Variants in WBP1L observed in about 807,000 individuals in gnomAD.
WBP1L encodes WW domain binding protein 1 like.
Under a neutral mutation model 33.7 loss-of-function variants are expected in WBP1L, and 17 were observed. That is an observed-to-expected ratio of 0.50 (90% CI 0.34 to 0.76). The LOEUF is 0.76. WBP1L is among the 30% of genes least tolerant of loss of function. The pLI is 0.01. For missense variants in WBP1L, 389 were observed against 469.4 expected, an observed-to-expected ratio of 0.83 and a Z score of 1.58; for synonymous variants, 173 against 190.8, an observed-to-expected ratio of 0.91 and a Z score of 0.77.
chr10:102,749,933 T>C (rs1394765160), intron 1 of WBP1L, among the ~76,000 whole-genome samples: 1 of 151,712 alleles, frequency 6.6e-6, no homozygotes, highest in Non-Finnish European at 1.5e-5. Context: ...ACTGCCACCA[T>C]GCCTGGGTAA....
chr10:102,770,276 A>T (rs773225008), intron 1 of WBP1L, among the ~76,000 whole-genome samples: 2 of 152,166 alleles, frequency 1.3e-5, no homozygotes, highest in Admixed American at 1.3e-4. Context: ...ACTCTGAGGC[A>T]TTTAAATGGG....
At chr10:102,802,142 T>C (rs1336059190) in intron 2 of WBP1L, among the ~76,000 whole-genome samples, 4 of 128,636 alleles carry the variant, frequency 3.1e-5, no homozygotes, top group Admixed American at 8.2e-5. Context: ...CTTCCTTCCT[T>C]CCTCTTTTTG....
Position 102,815,303 on chromosome 10 carries a change from C to A in WBP1L, c.*1972C>A, listed in dbSNP as rs752847900. 38 of 152,782 alleles carry A rather than the reference C, an allele frequency of 2.5e-4. No individual in the cohort carries two copies. Among genetic ancestry groups the A allele is most frequent in the Middle Eastern group, 3.4e-3 (1 of 294 alleles). The allele number at this position is 152,782 out of a possible 1,614,324, so 9.5% of individuals were successfully genotyped here. Reference sequence around the variant, plus strand: ...TGCGATTTGCACATTGCTCCGTGGACACTCGGAGGCCTGCGTTCTGTTCCC... The same window carrying A: ...TGCGATTTGCACATTGCTCCGTGGAAACTCGGAGGCCTGCGTTCTGTTCCC... On this transcript the variant is annotated 3_prime_UTR_variant, in exon 4 of 4. Coordinates refer to ENST00000448841, the MANE Select transcript of WBP1L (RefSeq NM_001083913.2).
chr10:102,757,518 C>T (rs964869946), intron 1 of WBP1L, among the ~76,000 whole-genome samples: 2 of 150,906 alleles, frequency 1.3e-5, no homozygotes, highest in African/African-American at 4.9e-5. Context: ...AACTTCTGTC[C>T]CCAACCTCCA....
intron 1 of WBP1L, among the ~76,000 whole-genome samples, chr10:102,753,657 C>T (rs1168144043): frequency 6.6e-6 from 1 of 152,176 alleles, no homozygotes; most frequent in East Asian, 1.9e-4. Context: ...TGTGGGAAAT[C>T]AGAGGAGTTG....
chr10:102,750,100 A>G (rs1590164344), intron 1 of WBP1L, among the ~76,000 whole-genome samples: 1 of 151,546 alleles, frequency 6.6e-6, no homozygotes, highest in South Asian at 2.1e-4. Flanking sequence ...TTAATTTTTT[A>G]TATCAACTTT....
intron 1 of WBP1L, among the ~76,000 whole-genome samples, chr10:102,789,260 G>A (rs1843462346): frequency 6.6e-6 from 1 of 152,210 alleles, no homozygotes; most frequent in Non-Finnish European, 1.5e-5. Context: ...ACTGCACCCA[G>A]CCTGGAGATT....
chr10:102,797,877 C>A, intron 1 of WBP1L, 116 bp from the exon 2 acceptor site: 1 of 945,416 alleles, frequency 1.1e-6, no homozygotes, highest in Non-Finnish European at 1.6e-6. Context: ...ATGGAATAAA[C>A]ATTGATACAA....
intron 1 of WBP1L, chr10:102,776,229 T>C (rs896374454): frequency 1.3e-6 from 2 of 1,531,342 alleles, no homozygotes; most frequent in African/African-American, 2.7e-5. Flanking sequence ...ACAGTGTGCC[T>C]GCTCGGTCCC....
chr10:102,775,269 A>G (rs1843244664), intron 1 of WBP1L, among the ~76,000 whole-genome samples: 1 of 152,206 alleles, frequency 6.6e-6, no homozygotes, highest in African/African-American at 2.4e-5. Context: ...AGGCCGAGGG[A>G]GAGCTGCTGT....
chr10:102,752,771 G>A (rs576156663), intron 1 of WBP1L, among the ~76,000 whole-genome samples: 68 of 152,204 alleles, frequency 4.5e-4, no homozygotes, highest in African/African-American at 1.5e-3. Flanking sequence ...TCTCACGCAC[G>A]CTTAGCCTGT....
intron 2 of WBP1L, among the ~76,000 whole-genome samples, chr10:102,806,567 T>A (rs927677451): frequency 6.6e-6 from 1 of 152,216 alleles, no homozygotes; most frequent in African/African-American, 2.4e-5. Flanking sequence ...GTTTGACTAG[T>A]GAACCGGGAA....
chr10:102,772,061 C>T (rs1201498744), intron 1 of WBP1L, among the ~76,000 whole-genome samples: 1 of 143,284 alleles, frequency 7.0e-6, no homozygotes, highest in African/African-American at 2.6e-5. Flanking sequence ...CCCGGGTTCA[C>T]TCCATTCTCC....
chr10:102,797,368 A>G (rs1236958226), intron 1 of WBP1L, among the ~76,000 whole-genome samples: 3 of 152,218 alleles, frequency 2.0e-5, no homozygotes, highest in African/African-American at 7.2e-5. Flanking sequence ...TAGCACCGGA[A>G]CATGAAATGT....
chr10:102,800,822 T>C (rs1843645834), intron 2 of WBP1L, among the ~76,000 whole-genome samples: 1 of 152,232 alleles, frequency 6.6e-6, no homozygotes, highest in African/African-American at 2.4e-5. Flanking sequence ...CAACTTTGCC[T>C]GAAGTGTGAA....
chr10:102,778,482 A>G (rs1474932850), intron 1 of WBP1L, among the ~76,000 whole-genome samples: 2 of 152,286 alleles, frequency 1.3e-5, no homozygotes, highest in African/African-American at 4.8e-5. Context: ...CTCTTCAAGG[A>G]GAGTGAAGGG....
chr10:102,801,374 G>A (rs559133775), intron 2 of WBP1L, among the ~76,000 whole-genome samples: 3 of 152,068 alleles, frequency 2.0e-5, no homozygotes, highest in Non-Finnish European at 2.9e-5. Flanking sequence ...AAGGGCTACC[G>A]AAAACACACA....
intron 1 of WBP1L, among the ~76,000 whole-genome samples, chr10:102,769,356 CTTTCTTTT>C (rs1012191251): frequency 5.2e-5 from 7 of 134,664 alleles, no homozygotes; most frequent in Admixed American, 2.2e-4. Context: ...TTTCTTTTTT[CTTTCTTTT>C]TTTTTTTTTT....
At chr10:102,760,417 C>A (rs1843023760) in intron 1 of WBP1L, among the ~76,000 whole-genome samples, 1 of 144,534 alleles carries the variant, frequency 6.9e-6, no homozygotes, top group Admixed American at 7.2e-5. Flanking sequence ...GCTCTTGTAG[C>A]CCAGGCTGGA....
Sources: allele counts gnomAD v4.1 joint callset (sites outside exome capture counted in the v4.1 genomes callset), GRCh38; gene constraint gnomAD v4.1.1; transcripts MANE v1.5; gene names NCBI Gene and HGNC (gene_info 2026-07-23, HGNC 2026-07-21).